The following SH3TC2 variants were observed in gnomAD, a reference collection of about 807,000 sequenced individuals.
SH3TC2 encodes the protein SH3 domain and tetratricopeptide repeats 2.
In SH3TC2, 87 loss-of-function variants were observed where a neutral mutation model predicts 124.5. That is an observed-to-expected ratio of 0.70 (90% confidence interval 0.59 to 0.84). The LOEUF is 0.84. Among genes scored for constraint, SH3TC2 ranks in the 40% least tolerant of loss-of-function variants. SH3TC2 has a pLI of 0.00. For missense variants in SH3TC2, 1,536 were observed against 1,566.4 expected, an observed-to-expected ratio of 0.98 and a Z score of 0.33; for synonymous variants, 634 against 628.5, an observed-to-expected ratio of 1.01 and a Z score of -0.13.
In SH3TC2 at chr5:148,990,691, T is replaced by C. The variant is rs1753407125; in HGVS notation, c.*14020A>G. Among the ~76,000 whole-genome samples the C allele has an allele frequency of 6.6e-6, 1 of 152,200 alleles. No homozygotes were observed. Among genetic ancestry groups the C allele is most frequent in the Admixed American group, 6.5e-5 (1 of 15,284 alleles). On this transcript the variant is annotated 3_prime_UTR_variant, in exon 17 of 17. Coordinates refer to ENST00000515425, the MANE Select transcript of SH3TC2 (RefSeq NM_024577.4). ...GTTGTGAACACAGAAAATGAAATCATGCATTCAAAGAATTTAATCCAATGC... is the reference window on the plus strand; with the variant it reads ...GTTGTGAACACAGAAAATGAAATCACGCATTCAAAGAATTTAATCCAATGC...
At position 148,999,728 on chromosome 5, in the gene SH3TC2, C is replaced by T. The variant is rs1289848562; in HGVS notation, c.*4983G>A. On this transcript the variant is annotated 3_prime_UTR_variant, in exon 17 of 17. Transcript: ENST00000515425. ...TCGCCAAGTCCTAATGTGTTTTCTA[C>T]CTTCTCCACTGCTGCCCTAATCTAG... is the stretch of plus-strand genomic sequence containing the variant. Among the ~76,000 whole-genome samples the T allele has an allele frequency of 6.6e-6, 1 of 152,166 alleles. No homozygotes were observed. The highest frequency in any genetic ancestry group is 1.5e-5 in the Non-Finnish European group (1 of 68,020).
rs544549145 is a variant in SH3TC2 at position 148,983,994 on chromosome 5, T to C, written c.*20717A>G. ...ACCAATACATTTTTTTAAAATTACT[T>C]AAGCCAGTTTGAGTTTCACCTTCTG... On this transcript the variant is annotated 3_prime_UTR_variant, in exon 17 of 17. Coordinates refer to ENST00000515425, the MANE Select transcript of SH3TC2 (RefSeq NM_024577.4). Among the ~76,000 whole-genome samples, 17 of 152,340 alleles carry C rather than the reference T, an allele frequency of 1.1e-4. No homozygotes were observed. The South Asian group carries it at 1.5e-3, about 13-fold the overall frequency.
At chr5:149,049,247 C>T (rs1181877816) in intron 2 of SH3TC2, among the ~76,000 whole-genome samples, 2 of 152,324 alleles carry the variant, frequency 1.3e-5, no homozygotes, top group African/African-American at 4.8e-5. Flanking sequence ...CACTTCAGCA[C>T]CCCGCATCCA....
At chr5:149,031,293 C>A (rs1246112144) in intron 9 of SH3TC2, among the ~76,000 whole-genome samples, 1 of 152,118 alleles carries the variant, frequency 6.6e-6, no homozygotes, top group Non-Finnish European at 1.5e-5. Context: ...GGAGGGAAGA[C>A]CCAGTACAGC....
chr5:149,039,530 T>C (rs1210648936), intron 7 of SH3TC2, among the ~76,000 whole-genome samples: 1 of 152,220 alleles, frequency 6.6e-6, no homozygotes, highest in Non-Finnish European at 1.5e-5. Context: ...TTCTAGATTG[T>C]GTTTTCAAGA....
intron 2 of SH3TC2, among the ~76,000 whole-genome samples, chr5:149,050,343 C>T (rs997949670): frequency 6.6e-6 from 1 of 152,182 alleles, no homozygotes; most frequent in African/African-American, 2.4e-5. Context: ...ATATGTCTGA[C>T]TGATTCTGTC....
intron 1 of SH3TC2, chr5:149,062,503 T>G: frequency 2.2e-6 from 1 of 457,086 alleles, no homozygotes; most frequent in Non-Finnish European, 4.4e-6. Context: ...CACACACAAA[T>G]CACTCTGTAA....
rs1051987911 is a variant in SH3TC2 at position 149,003,790 on chromosome 5, G to A, written c.*921C>T. ...CACTTGAGCCCCGGAGTCTGAGGTC[G>A]CAGGAAGCCCTGACTGTACCACTGA... On this transcript the variant is annotated 3_prime_UTR_variant, in exon 17 of 17. Transcript: ENST00000515425. 8.2e-5 allele frequency: 36 copies of A among 439,870 alleles called. No homozygotes were observed. The highest frequency in any genetic ancestry group is 1.3e-4 in the Non-Finnish European group (28 of 220,654). 27.2% of individuals were successfully genotyped at this position (439,870 alleles called of 1,614,324 possible).
Position 149,028,009 on chromosome 5 carries a change from A to G in SH3TC2, c.1723T>C (p.Leu575=), listed in dbSNP as rs1754104551. 1 of 1,614,054 alleles carries G rather than the reference A, an allele frequency of 6.2e-7. No individual in the cohort carries two copies. Among genetic ancestry groups the G allele is most frequent in the Non-Finnish European group, 8.5e-7 (1 of 1,180,050 alleles). The change falls in exon 11 of 17, where the codon TTG becomes CTG. Residue 575 remains leucine, a synonymous_variant. Coordinates refer to ENST00000515425, the MANE Select transcript of SH3TC2 (RefSeq NM_024577.4). ...CTCTGTTTCAGGTAGATGGCAGCCA[A>G]ATTGATGTACAGAGTGGCCACCAAG... is the stretch of plus-strand genomic sequence containing the variant. ...LSLVATLYIN[L]AAIYLKQRLR...
chr5:149,027,616 G>C lies in SH3TC2; in HGVS notation c.2116C>G (p.Leu706Val). The C allele has an allele frequency of 6.2e-7, 1 of 1,614,270 alleles. No homozygotes were observed. Among genetic ancestry groups the C allele is most frequent in the Non-Finnish European group, 8.5e-7 (1 of 1,180,044 alleles). Residue 706 changes from leucine to valine, a missense_variant, in exon 11 of 17, where the codon CTT becomes GTT. Around this residue, in one of 3 missense-constraint regions of SH3TC2, gnomAD observed 1,102 missense variants for 1,098.6 expected, o/e 1.00. Transcript: ENST00000515425. ...HGIQSAQGMS[L>V]PIWQVHLVLQ... Reference sequence around the variant, plus strand: ...ACAAGGTGGACCTGCCAAATAGGAAGAGACATCCCTTGGGCACTCTGGATA... The same window carrying C: ...ACAAGGTGGACCTGCCAAATAGGAACAGACATCCCTTGGGCACTCTGGATA...
At chr5:149,039,635 C>A (rs562964057) in intron 7 of SH3TC2, among the ~76,000 whole-genome samples, 6 of 152,136 alleles carry the variant, frequency 3.9e-5, no homozygotes, top group Non-Finnish European at 8.8e-5. Flanking sequence ...TTATGGATGT[C>A]ATTTTGTTTG....
Position 149,004,930 on chromosome 5 carries a change from G to A in SH3TC2, c.3676-28C>T, listed in dbSNP as rs1230041574. ...AACCCCGTGGTATGGGGGCAAAGAA[G>A]AGACAGCATTAGCAAACACTTCCAG... On this transcript the variant is annotated intron_variant, in intron 16 of 16. Transcript: ENST00000515425. 3 of 1,613,614 alleles carry A rather than the reference G, an allele frequency of 1.9e-6. No individual in the cohort carries two copies. In the South Asian group the frequency reaches 3.3e-5, roughly 18 times the overall value.
chr5:149,036,586 A>G (rs1050612035), intron 8 of SH3TC2, among the ~76,000 whole-genome samples: 5 of 152,170 alleles, frequency 3.3e-5, no homozygotes, highest in African/African-American at 1.2e-4. Context: ...ACATTTAATG[A>G]GAGCTCACTG....
In SH3TC2 at chr5:148,987,880, T is replaced by C. The variant is rs1717770035; in HGVS notation, c.*16831A>G. ...GTTCTTTAGATCATGAAACTTCTCATCTGAAAATCTCCACTCTGTGGCCCA... is the reference window on the plus strand; with the variant it reads ...GTTCTTTAGATCATGAAACTTCTCACCTGAAAATCTCCACTCTGTGGCCCA... On this transcript the variant is annotated 3_prime_UTR_variant, in exon 17 of 17. Transcript: ENST00000515425. Among the ~76,000 whole-genome samples the C allele has an allele frequency of 6.6e-6, 1 of 150,440 alleles. No homozygotes were observed. The highest frequency in any genetic ancestry group is 2.1e-4 in the South Asian group (1 of 4,702).
chr5:149,012,519 G>A (rs1162659174), intron 13 of SH3TC2, 65 bp downstream of exon 13: 17 of 1,597,388 alleles, frequency 1.1e-5, no homozygotes, highest in Middle Eastern at 1.8e-4. Flanking sequence ...TTGATTTGGA[G>A]GGTACAGCTG....
rs759785462 is a variant in SH3TC2 at position 149,007,045 on chromosome 5, G to A, written c.3511C>T (p.Arg1171Cys). 10 of 1,614,034 alleles carry A rather than the reference G, an allele frequency of 6.2e-6. No individual in the cohort carries two copies. Among genetic ancestry groups the A allele is most frequent in the South Asian group, 3.3e-5 (3 of 91,082 alleles). ...DQRQELVAFHRLATVYYSLHM... is the reference protein window; with the variant it reads ...DQRQELVAFHCLATVYYSLHM... ...AGGGAGTAGTACACTGTAGCCAGGC[G>A]GTGAAAGGCCACCAGCTCTTGCCTC... The change falls in exon 16 of 17, where the codon CGC becomes TGC. Residue 1171 changes from arginine (R) to cysteine (C), a missense_variant. Coordinates refer to ENST00000515425, the MANE Select transcript of SH3TC2 (RefSeq NM_024577.4).
At chr5:149,035,216 T>C (rs886569102) in intron 8 of SH3TC2, among the ~76,000 whole-genome samples, 1 of 152,190 alleles carries the variant, frequency 6.6e-6, no homozygotes, top group Non-Finnish European at 1.5e-5. Flanking sequence ...AAAGAAGGAA[T>C]GTAACAAAAG....
chr5:149,023,908 C>T (rs1438631731), intron 12 of SH3TC2, among the ~76,000 whole-genome samples: 1 of 152,158 alleles, frequency 6.6e-6, no homozygotes, highest in Non-Finnish European at 1.5e-5. Context: ...CTATGTTCCT[C>T]ATGAAGTAGA....
Position 148,988,229 on chromosome 5 carries a change from T to C in SH3TC2, c.*16482A>G, listed in dbSNP as rs187458642. Among the ~76,000 whole-genome samples, 23 of 152,254 alleles carry C rather than the reference T, an allele frequency of 1.5e-4. No homozygotes were observed. Among genetic ancestry groups the C allele is most frequent in the African/African-American group, 5.5e-4 (23 of 41,546 alleles). On this transcript the variant is annotated 3_prime_UTR_variant, in exon 17 of 17. Coordinates refer to ENST00000515425, the MANE Select transcript of SH3TC2 (RefSeq NM_024577.4). The stretch of plus-strand genomic sequence containing the variant: ...GGTAACAAAGCATCTTTACTCCTTC[T>C]CCCATGGACATGAAAATCATTATCA...
Sources: gnomAD v4.1 joint callset for allele counts (sites outside exome capture counted in the v4.1 genomes callset) on GRCh38, gnomAD v4.1.1 for gene constraint, gnomAD v4.1.1 regional missense constraint, MANE v1.5 for transcripts, NCBI Gene and HGNC (gene_info 2026-07-23, HGNC 2026-07-21) for gene names.